The following ATP9A variants were observed in gnomAD, a reference collection of about 807,000 sequenced individuals.
ATP9A encodes ATPase phospholipid transporting 9A, also known as probable phospholipid-transporting ATPase IIA.
ATP9A carries 52 observed loss-of-function variants against 144.1 expected under a neutral mutation model. The observed-to-expected ratio is 0.36, with a 90% CI of 0.29 to 0.45. The LOEUF (loss-of-function observed/expected upper bound fraction) is 0.45. ATP9A is among the 20% of genes least tolerant of loss of function. The probability of loss-of-function intolerance (pLI) is 1.00; values close to 1 mark genes in which losing one functional copy is unlikely to be tolerated. For missense variants in ATP9A, 947 were observed against 1,392.7 expected (o/e 0.68, Z 5.09); for synonymous variants, 582 against 557.4 (o/e 1.04, Z -0.62).
rs373145901 is a variant in ATP9A at position 51,605,716 on chromosome 20, C to G, written c.2804-696G>C. 1.4e-4 allele frequency among the ~76,000 whole-genome samples: 21 copies of G among 151,846 alleles called. 4 individuals carry two copies. The highest frequency in any genetic ancestry group is 3.9e-4 in the East Asian group (2 of 5,150). The stretch of plus-strand genomic sequence containing the variant: ...TCACTGGAGGCCAGGAGTTCAAGAC[C>G]AGACTAGCCACCATGGCGAAACCCT... On this transcript the variant is annotated intron_variant, in intron 26 of 27. Coordinates refer to ENST00000338821, the MANE Select transcript of ATP9A (RefSeq NM_006045.3).
chr20:51,662,258 T>C (rs1026036151), intron 13 of ATP9A, among the ~76,000 whole-genome samples: 3 of 152,222 alleles, frequency 2.0e-5, no homozygotes, highest in Non-Finnish European at 2.9e-5. Flanking sequence ...TTTTAAAATA[T>C]TGCACTGCGC....
chr20:51,741,085 C>A (rs115966945), intron 1 of ATP9A, among the ~76,000 whole-genome samples: 2 of 100,184 alleles, frequency 2.0e-5, no homozygotes, highest in Non-Finnish European at 5.0e-5. Flanking sequence ...TTAAAAATTC[C>A]TTTTCCCTGG....
chr20:51,685,037 A>T (rs1365552406), intron 9 of ATP9A, among the ~76,000 whole-genome samples: 4 of 151,790 alleles, frequency 2.6e-5, no homozygotes, highest in East Asian at 3.9e-4. Context: ...AAAAAAAAAA[A>T]AAATACAAAT....
In ATP9A at chr20:51,760,354, G is replaced by C. The variant is rs115219063; in HGVS notation, c.68+7948C>G. On this transcript the variant is annotated intron_variant, in intron 1 of 27. Transcript: ENST00000338821. ...AAAATAATGTGACCAGAGCCTCTCA[G>C]GAACCTAACCCCATATTTCCCCTAA... 3.7e-3 allele frequency among the ~76,000 whole-genome samples: 561 copies of C among 152,186 alleles called. 4 individuals carry two copies. Among genetic ancestry groups the C allele is most frequent in the African/African-American group, 0.012 (488 of 41,534 alleles).
intron 1 of ATP9A, among the ~76,000 whole-genome samples, chr20:51,742,138 A>C (rs1190681333): frequency 6.6e-6 from 1 of 152,078 alleles, no homozygotes; most frequent in African/African-American, 2.4e-5. Context: ...AGCCCGAGCA[A>C]CACGGTGAGA....
At chr20:51,749,262 C>A (rs2077821496) in intron 1 of ATP9A, among the ~76,000 whole-genome samples, 1 of 152,068 alleles carries the variant, frequency 6.6e-6, no homozygotes, top group Non-Finnish European at 1.5e-5. Flanking sequence ...ACGGAACGAG[C>A]TCAGAATTTT....
rs559583614 is a variant in ATP9A, at chr20:51,725,844, G to A, written c.302C>T (p.Ala101Val). 6.2e-7 allele frequency: 1 copy of A among 1,610,878 alleles called. No homozygotes were observed. The highest frequency in any genetic ancestry group is 1.1e-5 in the South Asian group (1 of 91,026). ...SQFVPEMRLG[A>V]LYTYWVPLGF... is the part of the protein sequence containing the mutation. ...CAGGGGAACCCAGTAGGTATAGAGT[G>A]CACCAAGTCTCATTTCGGGAACAAA... The change falls in exon 3 of 28, where the codon GCA (alanine) becomes GTA (valine). Residue 101 changes from alanine (A) to valine (V), a missense_variant. Physicochemically the swap from Ala to Val is moderately conservative, Grantham distance 64. Coordinates refer to ENST00000338821, the MANE Select transcript of ATP9A (RefSeq NM_006045.3).
At chr20:51,633,594 A>G (rs2077278603) in intron 15 of ATP9A, among the ~76,000 whole-genome samples, 1 of 151,970 alleles carries the variant, frequency 6.6e-6, no homozygotes, top group Non-Finnish European at 1.5e-5. Context: ...AAAAATTTAA[A>G]ACTTAGCTGG....
At chr20:51,764,955 G>C (rs781436414) in intron 1 of ATP9A, among the ~76,000 whole-genome samples, 8 of 151,864 alleles carry the variant, frequency 5.3e-5, no homozygotes, top group African/African-American at 9.7e-5. Flanking sequence ...TCCTGACCTC[G>C]AGTGATCCGC....
chr20:51,757,434 C>T (rs1383833749), intron 1 of ATP9A, among the ~76,000 whole-genome samples: 2 of 152,114 alleles, frequency 1.3e-5, no homozygotes, highest in African/African-American at 2.4e-5. Flanking sequence ...CCTTGGGGAC[C>T]GCCGCCAACA....
chr20:51,627,314 T>C (rs1056606570), intron 17 of ATP9A, among the ~76,000 whole-genome samples: 1 of 152,022 alleles, frequency 6.6e-6, no homozygotes, highest in Admixed American at 6.5e-5. Context: ...GTATGATGGA[T>C]GGAAAGTGAG....
At chr20:51,689,236 C>T in intron 8 of ATP9A, 97 bp from the exon 9 acceptor site, 1 of 1,264,640 alleles carries the variant, frequency 7.9e-7, no homozygotes. Context: ...GAAAGACAGG[C>T]TCCCCCCGAT....
rs1275025828 is a variant in ATP9A at position 51,601,083 on chromosome 20, T to G, written c.*128A>C. ...GGACTCCGTTTAGGCGCAGAGCCACTTCCCATTAAAACTGCATGTGTTAGC... is the reference window on the plus strand; with the variant it reads ...GGACTCCGTTTAGGCGCAGAGCCACGTCCCATTAAAACTGCATGTGTTAGC... On this transcript the variant is annotated 3_prime_UTR_variant, in exon 28 of 28. Transcript: ENST00000338821. The G allele has an allele frequency of 6.6e-6, 8 of 1,212,090 alleles. No individual in the cohort carries two copies. The highest frequency in any genetic ancestry group is 5.8e-5 in the Admixed American group (2 of 34,494). The allele number at this position is 1,212,090 out of a possible 1,614,324, so 75.1% of individuals were successfully genotyped here.
At chr20:51,712,071 G>A (rs955225750) in intron 4 of ATP9A, among the ~76,000 whole-genome samples, 10 of 137,654 alleles carry the variant, frequency 7.3e-5, no homozygotes, top group Non-Finnish European at 1.4e-4. Flanking sequence ...TGGCCAGGCT[G>A]GTCTTTTTTT....
rs570432312 is a variant in ATP9A, at chr20:51,645,918, C to G, written c.1507-6414G>C. ...GATTTCAGGGGCTTGCATCTCACTG[C>G]TGTTAACAGCCTGAGTTAGGGTCTC... On this transcript the variant is annotated intron_variant, in intron 14 of 27. Transcript: ENST00000338821. Among the ~76,000 whole-genome samples, 30 of 152,354 alleles carry G rather than the reference C, an allele frequency of 2.0e-4. No homozygotes were observed. The East Asian group carries it at 4.0e-3, about 21-fold the overall frequency.
At chr20:51,620,741 C>T (rs564599899) in intron 19 of ATP9A, among the ~76,000 whole-genome samples, 1 of 152,148 alleles carries the variant, frequency 6.6e-6, no homozygotes, top group East Asian at 1.9e-4. Context: ...AAACCGGATA[C>T]TCGATGGACT....
intron 8 of ATP9A, among the ~76,000 whole-genome samples, chr20:51,689,589 G>C (rs1194339551): frequency 6.6e-6 from 1 of 150,800 alleles, no homozygotes; most frequent in Non-Finnish European, 1.5e-5. Flanking sequence ...CCAGGCTGGA[G>C]TGCAGTGGCG....
intron 1 of ATP9A, among the ~76,000 whole-genome samples, chr20:51,731,881 T>C (rs1358036801): frequency 6.6e-6 from 1 of 152,114 alleles, no homozygotes; most frequent in African/African-American, 2.4e-5. Context: ...AAGATTGCTA[T>C]ATAAAGGAAA....
chr20:51,709,117 A>G (rs2077626744), intron 4 of ATP9A, among the ~76,000 whole-genome samples: 1 of 152,244 alleles, frequency 6.6e-6, no homozygotes, highest in African/African-American at 2.4e-5. Flanking sequence ...TCAAGGAATT[A>G]AGCACTTAAG....
Sources: allele counts gnomAD v4.1 joint callset (sites outside exome capture counted in the v4.1 genomes callset), GRCh38; gene constraint gnomAD v4.1.1; transcripts MANE v1.5; gene names NCBI Gene and HGNC (gene_info 2026-07-23, HGNC 2026-07-21).